The following LPP variants were observed in gnomAD, a reference collection of about 807,000 sequenced individuals.
The protein encoded by LPP is LIM domain containing preferred translocation partner in lipoma.
Under a neutral mutation model 60.4 loss-of-function variants are expected in LPP, and 38 were observed. The observed-to-expected ratio is 0.63, with a 90% CI of 0.49 to 0.83. The LOEUF (loss-of-function observed/expected upper bound fraction) is 0.83. LPP is among the 40% of genes least tolerant of loss of function. The probability of loss-of-function intolerance (pLI) is 0.00; values close to 1 mark genes in which losing one functional copy is unlikely to be tolerated. For synonymous variants in LPP, 328 were observed against 290.8 expected, an observed-to-expected ratio of 1.13 and a Z score of -1.30; for missense variants, 902 against 783.6, an observed-to-expected ratio of 1.15 and a Z score of -1.80.
At chr3:188,675,207 T>A (rs1857769046) in intron 7 of LPP, among the ~76,000 whole-genome samples, 1 of 152,004 alleles carries the variant, frequency 6.6e-6, no homozygotes. Context: ...CTGATTAGAG[T>A]CATTTGTAGA....
At chr3:188,227,415 C>A (rs997714281) in intron 2 of LPP, among the ~76,000 whole-genome samples, 66 of 141,952 alleles carry the variant, frequency 4.6e-4, no homozygotes, top group African/African-American at 1.7e-3. Flanking sequence ...TCAGTTCCCA[C>A]CTATGAGCAG....
chr3:188,245,183 G>A (rs1050443045), intron 2 of LPP, among the ~76,000 whole-genome samples: 1 of 151,656 alleles, frequency 6.6e-6, no homozygotes, highest in Non-Finnish European at 1.5e-5. Context: ...CACAATCTTG[G>A]CTCACTGCAA....
intron 2 of LPP, among the ~76,000 whole-genome samples, chr3:188,288,838 C>CCT (rs1386617960): frequency 1.5e-5 from 2 of 131,866 alleles, no homozygotes; most frequent in Admixed American, 7.6e-5. Context: ...CCCACCCCCC[C>CCT]GCCCCTCTAG....
At chr3:188,614,964 C>T (rs1844574740) in intron 7 of LPP, among the ~76,000 whole-genome samples, 1 of 152,162 alleles carries the variant, frequency 6.6e-6, no homozygotes, top group Non-Finnish European at 1.5e-5. Context: ...GAGGTTCTTT[C>T]TACCTTCACT....
intron 7 of LPP, among the ~76,000 whole-genome samples, chr3:188,667,676 A>G (rs913316158): frequency 1.3e-5 from 2 of 148,550 alleles, no homozygotes; most frequent in Admixed American, 6.8e-5. Context: ...TAGTGTGCTA[A>G]TCTTTTTTGT....
intron 7 of LPP, among the ~76,000 whole-genome samples, chr3:188,657,202 A>G (rs1374998995): frequency 7.2e-6 from 1 of 138,718 alleles, no homozygotes; most frequent in East Asian, 2.3e-4. Flanking sequence ...CCCCTCGAGC[A>G]TGCACATTCT....
rs541622431 is a variant in LPP, at chr3:188,795,365, G to A, written c.1410+35083G>A. ...GTCTGACAAAAATCCCCCATGTTTAGCCAGTGCATTCCACGTGGGATTCAG... is the reference window on the plus strand; with the variant it reads ...GTCTGACAAAAATCCCCCATGTTTAACCAGTGCATTCCACGTGGGATTCAG... On this transcript the variant is annotated intron_variant, in intron 9 of 11. Transcript: ENST00000617246. Among the ~76,000 whole-genome samples, 9 of 152,246 alleles carry A rather than the reference G, an allele frequency of 5.9e-5. No homozygotes were observed. In the East Asian group the frequency reaches 1.7e-3, roughly 29 times the overall value.
chr3:188,490,843 C>T (rs909931313), intron 5 of LPP, among the ~76,000 whole-genome samples: 1 of 143,908 alleles, frequency 6.9e-6, no homozygotes, highest in African/African-American at 2.5e-5. Flanking sequence ...CAAGCTCTAC[C>T]TCCTGGGTTC....
Position 188,371,589 on chromosome 3 carries a change from C to T in LPP, c.-10+29870C>T, listed in dbSNP as rs192921254. Reference sequence around the variant, plus strand: ...ATGTAGTTATAGTTGTGATAGGTGCCACAGAGGAAAGACTGAGTGGTGGGA... The same window carrying T: ...ATGTAGTTATAGTTGTGATAGGTGCTACAGAGGAAAGACTGAGTGGTGGGA... On this transcript the variant is annotated intron_variant, in intron 3 of 11. Transcript: ENST00000617246. 3.3e-3 allele frequency among the ~76,000 whole-genome samples: 416 copies of T among 127,314 alleles called. 2 individuals carry two copies. The highest frequency in any genetic ancestry group is 0.011 in the African/African-American group (372 of 33,560). The allele number at this position is 127,314 out of a possible 152,430, so 83.5% of individuals were successfully genotyped here.
chr3:188,370,688 G>A (rs1772782796), intron 3 of LPP, among the ~76,000 whole-genome samples: 1 of 152,120 alleles, frequency 6.6e-6, no homozygotes, highest in African/African-American at 2.4e-5. Context: ...CTGCCCAACT[G>A]TGTTGGGCAG....
In LPP at chr3:188,379,596, A is replaced by C. The variant is rs540665127; in HGVS notation, c.-9-26516A>C. Among the ~76,000 whole-genome samples, 4 of 152,338 alleles carry C rather than the reference A, an allele frequency of 2.6e-5. No individual in the cohort carries two copies. In the South Asian group the frequency reaches 8.3e-4, roughly 32 times the overall value. On this transcript the variant is annotated intron_variant, in intron 3 of 11. Transcript: ENST00000617246. ...TCCCAAATCTCTTGCATCCGGTACT[A>C]AGCAACCACGAATCTACTTTATAAT...
chr3:188,524,935 CCTTCCTT>C (rs1820130622), intron 6 of LPP, 148 bp downstream of exon 6: 2 of 300,588 alleles, frequency 6.7e-6, no homozygotes, highest in East Asian at 3.0e-4. Context: ...TTCCTTCCTT[CCTTCCTT>C]CCTTCCTCTC....
At chr3:188,834,245 A>G (rs113164423) in intron 9 of LPP, among the ~76,000 whole-genome samples, 31 of 147,540 alleles carry the variant, frequency 2.1e-4, no homozygotes, top group African/African-American at 7.5e-4. Context: ...GAAATGTGCT[A>G]TTGGTGCTGC....
intron 9 of LPP, among the ~76,000 whole-genome samples, chr3:188,847,368 G>A (rs1256209455): frequency 2.0e-5 from 3 of 152,208 alleles, no homozygotes; most frequent in Non-Finnish European, 4.4e-5. Context: ...TTGTTTAGAT[G>A]TGTCATGGAT....
intron 9 of LPP, among the ~76,000 whole-genome samples, chr3:188,793,264 C>T (rs2151047457): frequency 6.6e-6 from 1 of 151,406 alleles, no homozygotes; most frequent in East Asian, 1.9e-4. Context: ...TTCCCGCAAC[C>T]TATGCCTCCT....
chr3:188,269,643 T>TA (rs141175408), intron 2 of LPP, among the ~76,000 whole-genome samples: 3 of 134,376 alleles, frequency 2.2e-5, no homozygotes, highest in Admixed American at 7.2e-5. Flanking sequence ...GCCTTTTTTT[T>TA]TATGTGTGTG....
At chr3:188,183,252 C>T (rs1725649451) in intron 1 of LPP, among the ~76,000 whole-genome samples, 1 of 152,146 alleles carries the variant, frequency 6.6e-6, no homozygotes, top group Non-Finnish European at 1.5e-5. Context: ...ATTCCCCCTC[C>T]ACCTTTGCCC....
intron 9 of LPP, among the ~76,000 whole-genome samples, chr3:188,777,194 G>A (rs950083137): frequency 6.6e-6 from 1 of 151,994 alleles, no homozygotes; most frequent in East Asian, 1.9e-4. Context: ...GTTATTTCTA[G>A]ATTAGATATG....
intron 4 of LPP, among the ~76,000 whole-genome samples, chr3:188,437,826 A>G (rs1020033235): frequency 6.6e-6 from 1 of 152,194 alleles, no homozygotes; most frequent in African/African-American, 2.4e-5. Flanking sequence ...TTGAGAAGCT[A>G]GACATGTTGA....
Sources: gnomAD v4.1 joint callset for allele counts (sites outside exome capture counted in the v4.1 genomes callset) on GRCh38, gnomAD v4.1.1 for gene constraint, MANE v1.5 for transcripts, NCBI Gene and HGNC (gene_info 2026-07-23, HGNC 2026-07-21) for gene names.